DTL: variants seen among roughly 807,000 people sequenced by gnomAD.
DTL encodes the protein denticleless E3 ubiquitin protein ligase adapter.
In DTL, 46 loss-of-function variants were observed where a neutral mutation model predicts 87.0. The ratio of observed to expected loss-of-function variants is 0.53; its 90% CI spans 0.42 to 0.68. The LOEUF (loss-of-function observed/expected upper bound fraction) is 0.68. DTL is among the 30% of genes least tolerant of loss of function. The pLI, the probability that DTL is intolerant of heterozygous loss-of-function variation, is 0.00. For synonymous variants in DTL, 308 were observed against 311.2 expected (o/e 0.99, Z 0.11); for missense variants, 737 against 869.4 (o/e 0.85, Z 1.91).
At chr1:212,043,828 C>CAAAA (rs35962372) in intron 2 of DTL, among the ~76,000 whole-genome samples, 6 of 83,698 alleles carry the variant, frequency 7.2e-5, no homozygotes, top group African/African-American at 2.3e-4. Context: ...ACTTCATCTC[C>CAAAA]AAAAAAAAAA....
intron 12 of DTL, 71 bp from the exon 13 acceptor site, chr1:212,080,544 A>G: frequency 6.8e-7 from 1 of 1,475,874 alleles, no homozygotes; most frequent in East Asian, 2.3e-5. Flanking sequence ...GCCTTAAGAC[A>G]CACCTGTTTT....
intron 11 of DTL, among the ~76,000 whole-genome samples, chr1:212,074,887 A>G (rs1007340457): frequency 1.3e-5 from 2 of 152,212 alleles, no homozygotes; most frequent in African/African-American, 4.8e-5. Flanking sequence ...CAAAGAGGAA[A>G]TATAATATAT....
chr1:212,045,778 A>C (rs899328241), intron 3 of DTL, among the ~76,000 whole-genome samples: 1 of 152,226 alleles, frequency 6.6e-6, no homozygotes, highest in African/African-American at 2.4e-5. Flanking sequence ...GGAAGTGACC[A>C]ATTTGTTTGG....
intron 13 of DTL, among the ~76,000 whole-genome samples, chr1:212,093,214 T>A (rs1251235135): frequency 6.6e-6 from 1 of 152,126 alleles, no homozygotes; most frequent in African/African-American, 2.4e-5. Flanking sequence ...TACGGGAGCA[T>A]ACAGATGGGC....
At chr1:212,069,903 C>G (rs1654621119) in intron 10 of DTL, among the ~76,000 whole-genome samples, 1 of 152,154 alleles carries the variant, frequency 6.6e-6, no homozygotes, top group Admixed American at 6.5e-5. Flanking sequence ...CCCAAGCAAT[C>G]TTATTAGGAC....
At chr1:212,073,040 C>T (rs770585053) in intron 11 of DTL, among the ~76,000 whole-genome samples, 1 of 152,176 alleles carries the variant, frequency 6.6e-6, no homozygotes, top group Non-Finnish European at 1.5e-5. Context: ...GCTGGGATTA[C>T]AGGCATGAGC....
chr1:212,079,734 G>C (rs565135600), intron 12 of DTL, among the ~76,000 whole-genome samples: 96 of 152,266 alleles, frequency 6.3e-4, no homozygotes, highest in Non-Finnish European at 1.0e-3. Flanking sequence ...ATAAACTATA[G>C]AAGAACTGTG....
intron 13 of DTL, among the ~76,000 whole-genome samples, chr1:212,092,940 A>C (rs1455811290): frequency 6.6e-6 from 1 of 152,138 alleles, no homozygotes; most frequent in Non-Finnish European, 1.5e-5. Flanking sequence ...CCATTCTTGC[A>C]GGAGTAAGGT....
At chr1:212,102,767 A>G in intron 14 of DTL, 75 bp from the exon 15 acceptor site, 1 of 1,011,066 alleles carries the variant, frequency 9.9e-7, no homozygotes, top group Non-Finnish European at 1.5e-6. Flanking sequence ...GCCTAATTTA[A>G]GGTATGCCTT....
intron 12 of DTL, 70 bp from the exon 13 acceptor site, chr1:212,080,545 C>T: frequency 3.4e-6 from 5 of 1,484,664 alleles, no homozygotes; most frequent in Non-Finnish European, 3.7e-6. Flanking sequence ...CCTTAAGACA[C>T]ACCTGTTTTT....
chr1:212,046,826 A>G (rs1172200517), intron 3 of DTL, among the ~76,000 whole-genome samples: 1 of 152,214 alleles, frequency 6.6e-6, no homozygotes, highest in Admixed American at 6.5e-5. Flanking sequence ...TTGCTGGGTC[A>G]AATGGTATTT....
chr1:212,063,384 G>A (rs1044049196), intron 6 of DTL, among the ~76,000 whole-genome samples: 1 of 151,574 alleles, frequency 6.6e-6, no homozygotes, highest in Non-Finnish European at 1.5e-5. Flanking sequence ...CACCCGCTGG[G>A]TTCCAGCAAT....
chr1:212,074,864 C>T (rs1327155162), intron 11 of DTL, among the ~76,000 whole-genome samples: 1 of 152,156 alleles, frequency 6.6e-6, no homozygotes. Flanking sequence ...TCTTAATCCT[C>T]ACTACTGCCC....
chr1:212,087,560 A>G (rs1443814214), intron 13 of DTL, among the ~76,000 whole-genome samples: 2 of 152,058 alleles, frequency 1.3e-5, no homozygotes, highest in African/African-American at 4.8e-5. Flanking sequence ...AAAAAAAAAA[A>G]AGAACCTAGC....
At chr1:212,037,524 A>G (rs1667520672) in intron 1 of DTL, among the ~76,000 whole-genome samples, 1 of 152,192 alleles carries the variant, frequency 6.6e-6, no homozygotes, top group Admixed American at 6.5e-5. Context: ...TTTAGGGAAA[A>G]CAGTGTATAA....
intron 8 of DTL, among the ~76,000 whole-genome samples, chr1:212,067,944 G>A (rs1470255200): frequency 6.6e-6 from 1 of 152,012 alleles, no homozygotes; most frequent in Non-Finnish European, 1.5e-5. Context: ...AATTACTATC[G>A]GCACTCAACC....
chr1:212,067,997 C>T (rs1304664081), intron 8 of DTL, among the ~76,000 whole-genome samples: 1 of 152,102 alleles, frequency 6.6e-6, no homozygotes, highest in Non-Finnish European at 1.5e-5. Context: ...CTCCAGTAAC[C>T]CATCACTGGG....
chr1:212,097,112 C>A (rs910343117), intron 13 of DTL, among the ~76,000 whole-genome samples: 3 of 152,176 alleles, frequency 2.0e-5, no homozygotes, highest in Non-Finnish European at 2.9e-5. Context: ...AGCTTAGTTT[C>A]ACTGGATACA....
Position 212,066,886 on chromosome 1 carries a change from G to A in DTL, c.713+1G>A, listed in dbSNP as rs1654522917. Reference sequence around the variant, plus strand: ...TAGTCTCAGCAGGAGCTGTGGATGGGTAAGAGTCTATTTCTTTTTTCTTCC... The same window carrying A: ...TAGTCTCAGCAGGAGCTGTGGATGGATAAGAGTCTATTTCTTTTTTCTTCC... On this transcript the variant is annotated splice_donor_variant, in intron 8 of 14. Coordinates refer to ENST00000366991, the MANE Select transcript of DTL (RefSeq NM_016448.4). LOFTEE classifies it high-confidence loss of function. 6.2e-7 allele frequency: 1 copy of A among 1,612,222 alleles called. No homozygotes were observed. The highest frequency in any genetic ancestry group is 1.1e-5 in the South Asian group (1 of 91,010).
Sources: allele counts gnomAD v4.1 joint callset (sites outside exome capture counted in the v4.1 genomes callset), GRCh38; gene constraint gnomAD v4.1.1; transcripts MANE v1.5; gene names NCBI Gene and HGNC (gene_info 2026-07-23, HGNC 2026-07-21).